The following DBN1 variants were observed in gnomAD, a reference collection of about 807,000 sequenced individuals.
DBN1 encodes drebrin 1, also known as drebrin.
Under a neutral mutation model 83.5 loss-of-function variants are expected in DBN1, and 21 were observed. That is an observed-to-expected ratio of 0.25 (90% CI 0.18 to 0.36). The LOEUF is 0.36. DBN1 is among the 10% of genes least tolerant of loss of function. The pLI is 1.00. For missense variants in DBN1, 874 were observed against 935.7 expected (o/e 0.93, Z 0.86); for synonymous variants, 381 against 384.9 (o/e 0.99, Z 0.12).
Position 177,466,690 on chromosome 5 carries a change from G to C in DBN1, c.771+82C>G. On this transcript the variant is annotated intron_variant, in intron 8 of 14. Transcript: ENST00000393565. This position sits in a 1 kb window ranked among gnomAD's most constrained non-coding sequence, Gnocchi z 4.8. ...CAGCCACCACTGTCCCTGAGCCACT[G>C]ATCTCCCCACAAGGCCCAGGAACAC... 6.6e-7 allele frequency: 1 copy of C among 1,505,456 alleles called. No individual in the cohort carries two copies. The highest frequency in any genetic ancestry group is 9.2e-7 in the Non-Finnish European group (1 of 1,081,122). 93.3% of individuals were successfully genotyped at this position (1,505,456 alleles called of 1,614,324 possible).
In DBN1 at chr5:177,466,779, G is replaced by A; in HGVS notation, c.764C>T (p.Ser255Phe). The part of the protein sequence containing the change: ...EEAKRRLKEQ[S>F]IFGDHRDEEE... ...CCTTGGCAAAGAACTTACAAAGATAGACTGCTCCTTCAACCGCCTCTTGGC... is the reference window on the plus strand; with the variant it reads ...CCTTGGCAAAGAACTTACAAAGATAAACTGCTCCTTCAACCGCCTCTTGGC... The change falls in exon 8 of 15, where the codon TCT becomes TTT. Residue 255 changes from serine (S) to phenylalanine (F), a missense_variant. Physicochemically the swap from Ser to Phe is radical, Grantham distance 155. This residue lies in a region of DBN1 where 725 missense variants were observed against 719.7 expected (regional missense o/e 1.01). Transcript: ENST00000393565. The surrounding 1 kb of genome is among the most constrained non-coding windows in gnomAD (Gnocchi z 4.8). The A allele has an allele frequency of 6.2e-7, 1 of 1,614,178 alleles. No homozygotes were observed. Among genetic ancestry groups the A allele is most frequent in the Non-Finnish European group, 8.5e-7 (1 of 1,180,008 alleles).
Position 177,457,234 on chromosome 5 carries a change from T to C in DBN1, c.*199A>G, listed in dbSNP as rs1756566206. 10 of 598,738 alleles carry C rather than the reference T, an allele frequency of 1.7e-5. No homozygotes were observed. In the East Asian group the frequency reaches 2.8e-4, roughly 17 times the overall value. 37.1% of individuals were successfully genotyped at this position (598,738 alleles called of 1,614,324 possible). On this transcript the variant is annotated 3_prime_UTR_variant, in exon 15 of 15. Coordinates refer to ENST00000393565, the MANE Select transcript of DBN1 (RefSeq NM_001363541.2). ...AAGCCAGTCAACTGTACAAGTCTCCTATCAACTTTTTAAAAAAAGAGAAAA... is the reference window on the plus strand; with the variant it reads ...AAGCCAGTCAACTGTACAAGTCTCCCATCAACTTTTTAAAAAAAGAGAAAA...
intron 1 of DBN1, among the ~76,000 whole-genome samples, chr5:177,472,582 C>CAGGGACCGAGTGCCCCTTGCT (rs1561691565): frequency 6.6e-6 from 1 of 152,122 alleles, no homozygotes; most frequent in African/African-American, 2.4e-5. Flanking sequence ...CCTCCCCCAT[C>CAGGGACCGAGTGCCCCTTGCT]AGGGACCGAG....
chr5:177,456,691 AAAAAAAAAAAC>A lies in DBN1; in HGVS notation c.*731_*741del, dbSNP rs1756505233. Reference sequence around the variant, plus strand: ...TGCTTTCCAAAAAAAAAAAAAAAAAAAAAAAAAAAACAGTTACTAAACGTGAAAAAGGAACC... The same window carrying A: ...TGCTTTCCAAAAAAAAAAAAAAAAAAAGTTACTAAACGTGAAAAAGGAACC... On this transcript the variant is annotated 3_prime_UTR_variant, in exon 15 of 15. Transcript: ENST00000393565. 1 of 151,252 alleles carries A rather than the reference AAAAAAAAAAAC, an allele frequency of 6.6e-6. No homozygotes were observed. Among genetic ancestry groups the A allele is most frequent in the Non-Finnish European group, 1.5e-5 (1 of 67,890 alleles). 9.4% of individuals were successfully genotyped at this position (151,252 alleles called of 1,614,324 possible).
rs544353998 is a variant in DBN1 at position 177,461,656 on chromosome 5, C to T, written c.772-953G>A. ...CAGATAACTTCTTGGACCTCCTACC[C>T]TAGTGCCGGGGCCACCATGCTCCCA... On this transcript the variant is annotated intron_variant, in intron 8 of 14. Coordinates refer to ENST00000393565, the MANE Select transcript of DBN1 (RefSeq NM_001363541.2). Among the ~76,000 whole-genome samples, 3 of 152,280 alleles carry T rather than the reference C, an allele frequency of 2.0e-5. No individual in the cohort carries two copies. In the South Asian group the frequency reaches 6.2e-4, roughly 32 times the overall value.
rs749558347 is a variant in DBN1, at chr5:177,458,278, G to A, written c.1694C>T (p.Pro565Leu). Reference protein sequence around the residue: ...VPLLDEVAPEPLLPAGEGCAT... With the variant: ...VPLLDEVAPELLLPAGEGCAT... ...ACAGCCTTCGCCTGCTGGCAGCAGTGGCTCCGGAGCCACCTCATCCAGCAG... is the reference window on the plus strand; with the variant it reads ...ACAGCCTTCGCCTGCTGGCAGCAGTAGCTCCGGAGCCACCTCATCCAGCAG... The change falls in exon 13 of 15, where the codon CCA (proline) becomes CTA (leucine). Residue 565 changes from proline to leucine, a missense_variant. Pro to Leu is a moderately conservative substitution (Grantham distance 98). Coordinates refer to ENST00000393565, the MANE Select transcript of DBN1 (RefSeq NM_001363541.2). 3.7e-6 allele frequency: 6 copies of A among 1,613,730 alleles called. No individual in the cohort carries two copies. In the Middle Eastern group the frequency reaches 4.9e-4, roughly 133 times the overall value.
Position 177,467,795 on chromosome 5 carries a change from G to A in DBN1, c.278C>T (p.Ala93Val). 6.4e-7 allele frequency: 1 copy of A among 1,558,560 alleles called. No homozygotes were observed. The highest frequency in any genetic ancestry group is 1.2e-5 in the South Asian group (1 of 85,340). ...INWVGEDVPD[A>V]RKCACASHVA... ...GTGGCTGGCACAAGCGCACTTGCGG[G>A]CATCAGGCACATCTTCGCCCACCTG... Residue 93 changes from alanine to valine, a missense_variant, in exon 4 of 15, where the codon GCC becomes GTC. Coordinates refer to ENST00000393565, the MANE Select transcript of DBN1 (RefSeq NM_001363541.2). This position sits in a 1 kb window ranked among gnomAD's most constrained non-coding sequence, Gnocchi z 9.1.
intron 1 of DBN1, among the ~76,000 whole-genome samples, chr5:177,471,389 T>G (rs1343493439): frequency 1.3e-5 from 2 of 152,276 alleles, no homozygotes; most frequent in East Asian, 3.9e-4. Context: ...CTGGGTCCCC[T>G]GCTCCCTGTG....
chr5:177,467,638 A>G lies in DBN1; in HGVS notation c.331-11T>C. On this transcript the variant is annotated splice_polypyrimidine_tract_variant and intron_variant, in intron 4 of 14. Transcript: ENST00000393565. This position sits in a 1 kb window ranked among gnomAD's most constrained non-coding sequence, Gnocchi z 9.1. ...GATCACGTCGACACCCTTCCGCAAG[A>G]AGACGGCAGTGCTCAGGCGGCACCA... 6.4e-7 allele frequency: 1 copy of G among 1,569,864 alleles called. No individual in the cohort carries two copies. Among genetic ancestry groups the G allele is most frequent in the Non-Finnish European group, 8.6e-7 (1 of 1,157,320 alleles).
chr5:177,473,456 T>C lies in DBN1; in HGVS notation c.66A>G (p.Arg22=). 3 of 1,432,058 alleles carry C rather than the reference T, an allele frequency of 2.1e-6. No homozygotes were observed. Among genetic ancestry groups the C allele is most frequent in the Non-Finnish European group, 2.8e-6 (3 of 1,086,508 alleles). 88.7% of individuals were successfully genotyped at this position (1,432,058 alleles called of 1,614,324 possible). The change falls in exon 1 of 15, where the codon CGA becomes CGG. Residue 22 remains arginine, a synonymous_variant. Coordinates refer to ENST00000393565, the MANE Select transcript of DBN1 (RefSeq NM_001363541.2). ...ELLAAYEEVI[R]EESAADWALY... is the part of the protein sequence containing the mutation. ...CTCACCAGTCGGCCGCGCTCTCCTC[T>C]CGGATCACCTCCTCGTAAGCCGCCA...
intron 1 of DBN1, chr5:177,472,154 C>T (rs1757895987): frequency 1.9e-6 from 3 of 1,612,780 alleles, no homozygotes; most frequent in African/African-American, 2.7e-5. Flanking sequence ...CGCGTCCATC[C>T]CTCCAGGCCT....
At position 177,459,590 on chromosome 5, in the gene DBN1, G is replaced by A; in HGVS notation, c.1093+13C>T. 1 of 1,505,142 alleles carries A rather than the reference G, an allele frequency of 6.6e-7. No homozygotes were observed. Among genetic ancestry groups the A allele is most frequent in the Non-Finnish European group, 8.9e-7 (1 of 1,122,438 alleles). The allele number at this position is 1,505,142 out of a possible 1,614,324, so 93.2% of individuals were successfully genotyped here. On this transcript the variant is annotated intron_variant, in intron 11 of 14. Coordinates refer to ENST00000393565, the MANE Select transcript of DBN1 (RefSeq NM_001363541.2). ...CCTTACCACCCCCGCCGAGGCCTGG[G>A]GCTGCTACCTACATGGGAGGGAGGA...
In DBN1 at chr5:177,458,553, T is replaced by C; in HGVS notation, c.1419A>G (p.Ala473=). 1 of 1,614,138 alleles carries C rather than the reference T, an allele frequency of 6.2e-7. No individual in the cohort carries two copies. The highest frequency in any genetic ancestry group is 2.2e-5 in the East Asian group (1 of 44,878). Residue 473 remains alanine, a synonymous_variant, in exon 13 of 15, where the codon GCA becomes GCG. Transcript: ENST00000393565. The part of the protein sequence containing the change: ...PAEDLMFMES[A]EQAVLAAPVE... ...CGGGAGCAGCCAGGACAGCCTGCTC[T>C]GCAGACTCCATGAACATCAAGTCCT...
chr5:177,462,096 T>C (rs1375301344), intron 8 of DBN1: 3 of 442,276 alleles, frequency 6.8e-6, no homozygotes, highest in Non-Finnish European at 9.0e-6. Context: ...GCCTACTGGC[T>C]TCACCTGCCC....
chr5:177,457,153 G>A lies in DBN1; in HGVS notation c.*280C>T. Reference sequence around the variant, plus strand: ...CAGGGAGGACTAAGAGCTACAATCTGGACCAGGGAAGGAGGGGTGGAATTT... The same window carrying A: ...CAGGGAGGACTAAGAGCTACAATCTAGACCAGGGAAGGAGGGGTGGAATTT... On this transcript the variant is annotated 3_prime_UTR_variant, in exon 15 of 15. Coordinates refer to ENST00000393565, the MANE Select transcript of DBN1 (RefSeq NM_001363541.2). The A allele has an allele frequency of 2.0e-6, 1 of 500,550 alleles. No individual in the cohort carries two copies. The highest frequency in any genetic ancestry group is 3.6e-6 in the Non-Finnish European group (1 of 278,044). The allele number at this position is 500,550 out of a possible 1,614,324, so 31.0% of individuals were successfully genotyped here. A position where few individuals can be genotyped will look rare whatever the true frequency, so the allele number is the denominator to read the frequency against.
In DBN1 at chr5:177,467,144, G is replaced by A. The variant is rs1014846922; in HGVS notation, c.556-82C>T. ...CCCTCCAGCCCCTCCCTAACCCAGC[G>A]CTGGGGGCGGGGCACGTGGCATGGG... On this transcript the variant is annotated intron_variant, in intron 6 of 14. Coordinates refer to ENST00000393565, the MANE Select transcript of DBN1 (RefSeq NM_001363541.2). This position sits in a 1 kb window ranked among gnomAD's most constrained non-coding sequence, Gnocchi z 9.1. 3.7e-5 allele frequency: 59 copies of A among 1,607,744 alleles called. No individual in the cohort carries two copies. Among genetic ancestry groups the A allele is most frequent in the Middle Eastern group, 1.7e-4 (1 of 5,890 alleles).
intron 1 of DBN1, among the ~76,000 whole-genome samples, chr5:177,470,035 G>A (rs989845387): frequency 7.2e-5 from 11 of 152,246 alleles, no homozygotes; most frequent in African/African-American, 1.9e-4. Flanking sequence ...AGGGACAAAG[G>A]AAATGAAGGC....
At chr5:177,469,192 G>T (rs1291990826) in intron 1 of DBN1, among the ~76,000 whole-genome samples, 2 of 152,148 alleles carry the variant, frequency 1.3e-5, no homozygotes, top group Non-Finnish European at 2.9e-5. Flanking sequence ...CCAGTGGAGC[G>T]GGTGTGTGAT....
rs913887916 is a variant in DBN1 at position 177,458,101 on chromosome 5, T to G, written c.1871A>C (p.His624Pro). ...GGTGGTCTCGCCATTGGTTAGCAGG[T>G]GGGGCTCCGGCTCCTGCTCTTGCTC... ...ELEQEQEPEPHLLTNGETTQK... is the reference protein window; with the variant it reads ...ELEQEQEPEPPLLTNGETTQK... The change falls in exon 13 of 15, where the codon CAC becomes CCC. Residue 624 changes from histidine to proline, a missense_variant. By Grantham distance (77) the His-to-Pro change is moderately conservative (BLOSUM62 -2). Around this residue, in one of 4 missense-constraint regions of DBN1, gnomAD observed 725 missense variants for 719.7 expected, o/e 1.01. Coordinates refer to ENST00000393565, the MANE Select transcript of DBN1 (RefSeq NM_001363541.2). 5 of 1,613,444 alleles carry G rather than the reference T, an allele frequency of 3.1e-6. No individual in the cohort carries two copies. Among genetic ancestry groups the G allele is most frequent in the Non-Finnish European group, 3.4e-6 (4 of 1,179,960 alleles).
Sources: allele counts gnomAD v4.1 joint callset (sites outside exome capture counted in the v4.1 genomes callset), GRCh38; gene constraint gnomAD v4.1.1; regional missense constraint gnomAD v4.1.1; non-coding constraint Gnocchi (gnomAD v3.1); transcripts MANE v1.5; gene names NCBI Gene and HGNC (gene_info 2026-07-23, HGNC 2026-07-21).